The following KAZN variants were observed in gnomAD, a reference collection of about 807,000 sequenced individuals.
KAZN encodes the protein kazrin, periplakin interacting protein.
In KAZN, 40 loss-of-function variants were observed where a neutral mutation model predicts 87.4. The observed-to-expected ratio is 0.46, with a 90% confidence interval of 0.36 to 0.60. The LOEUF is 0.60. Among genes scored for constraint, KAZN ranks in the 20% least tolerant of loss-of-function variants. KAZN has a pLI of 0.00. For missense variants in KAZN, 898 were observed against 1,073.9 expected (o/e 0.84, Z 2.29); for synonymous variants, 466 against 458.3 (o/e 1.02, Z -0.22).
At chr1:13,953,232 GA>G (rs1445689209) in intron 1 of KAZN, among the ~76,000 whole-genome samples, 2 of 152,196 alleles carry the variant, frequency 1.3e-5, no homozygotes, top group Admixed American at 1.3e-4. Flanking sequence ...ACTCAGGGAG[GA>G]GTTAGGCTAC....
intron 2 of KAZN, among the ~76,000 whole-genome samples, chr1:14,268,742 C>A (rs921584351): frequency 1.3e-5 from 2 of 152,184 alleles, no homozygotes; most frequent in Admixed American, 6.5e-5. Context: ...TTGTAACTCA[C>A]AAATTACAGG....
chr1:14,147,501 C>T (rs552982370), intron 1 of KAZN, among the ~76,000 whole-genome samples: 7 of 152,236 alleles, frequency 4.6e-5, no homozygotes, highest in South Asian at 4.1e-4. Flanking sequence ...AGGATTAAAA[C>T]GTCACTGCAG....
At chr1:15,041,174 C>T (rs1205106392) in intron 3 of KAZN, among the ~76,000 whole-genome samples, 1 of 150,248 alleles carries the variant, frequency 6.7e-6, no homozygotes, top group Non-Finnish European at 1.5e-5. Flanking sequence ...GTTGGCCAGG[C>T]TGGTCTCGAG....
intron 1 of KAZN, among the ~76,000 whole-genome samples, chr1:14,034,398 A>G (rs1037019016): frequency 6.6e-6 from 1 of 152,184 alleles, no homozygotes; most frequent in African/African-American, 2.4e-5. Context: ...GGTTAATTTT[A>G]ATATTGCATC....
chr1:14,620,024 C>G (rs1263634024), intron 1 of KAZN, among the ~76,000 whole-genome samples: 1 of 152,162 alleles, frequency 6.6e-6, no homozygotes, highest in Non-Finnish European at 1.5e-5. Context: ...CTCTTCTCAG[C>G]TCCCCAGGTC....
chr1:15,092,659 A>C (rs952049951), intron 8 of KAZN, among the ~76,000 whole-genome samples: 2 of 152,088 alleles, frequency 1.3e-5, no homozygotes, highest in Non-Finnish European at 2.9e-5. Context: ...TTTTTGGTAG[A>C]GATGGGGTTT....
At chr1:14,255,031 G>T (rs1390660756) in intron 2 of KAZN, among the ~76,000 whole-genome samples, 1 of 148,106 alleles carries the variant, frequency 6.8e-6, no homozygotes, top group African/African-American at 2.5e-5. Context: ...TGAGGCAGGA[G>T]AATTGCTTGA....
chr1:14,256,399 A>G (rs1233552691), intron 2 of KAZN, among the ~76,000 whole-genome samples: 1 of 152,000 alleles, frequency 6.6e-6, no homozygotes, highest in Non-Finnish European at 1.5e-5. Context: ...AATTCAAAGG[A>G]GAGAAGGAGA....
chr1:14,099,978 C>T (rs1184648315), intron 1 of KAZN, among the ~76,000 whole-genome samples: 2 of 152,084 alleles, frequency 1.3e-5, no homozygotes, highest in Non-Finnish European at 2.9e-5. Context: ...TTCTCTCTCT[C>T]CTGAATGAAT....
chr1:14,369,506 G>A (rs1207504251), intron 2 of KAZN, among the ~76,000 whole-genome samples: 1 of 152,176 alleles, frequency 6.6e-6, no homozygotes. Flanking sequence ...TCTCCATCTG[G>A]AGAATGGTAA....
intron 1 of KAZN, chr1:14,692,069 G>A: frequency 3.8e-6 from 1 of 263,534 alleles, no homozygotes. Context: ...ATAAAATAAT[G>A]AATTGTAAAA....
At chr1:14,997,098 T>C (rs1667947201) in intron 2 of KAZN, among the ~76,000 whole-genome samples, 2 of 152,124 alleles carry the variant, frequency 1.3e-5, no homozygotes, top group Admixed American at 1.3e-4. Flanking sequence ...GGAGAGGTCC[T>C]TCCTGAATTT....
chr1:14,947,550 T>A (rs961081315), intron 1 of KAZN, among the ~76,000 whole-genome samples: 2 of 152,216 alleles, frequency 1.3e-5, no homozygotes, highest in Admixed American at 1.3e-4. Flanking sequence ...GACATTTAGT[T>A]TGCGAAGCAG....
chr1:14,476,192 G>T (rs940337693), intron 2 of KAZN, among the ~76,000 whole-genome samples: 4 of 152,112 alleles, frequency 2.6e-5, no homozygotes, highest in African/African-American at 9.7e-5. Flanking sequence ...CTGCTCCTTG[G>T]TTGGTTGGTT....
intron 2 of KAZN, among the ~76,000 whole-genome samples, chr1:14,506,306 G>A (rs1257288216): frequency 1.3e-5 from 2 of 152,118 alleles, no homozygotes; most frequent in African/African-American, 4.8e-5. Context: ...TGTTAAACCA[G>A]ACTTCACTCT....
At chr1:14,954,709 C>A (rs535177883) in intron 1 of KAZN, among the ~76,000 whole-genome samples, 1 of 152,276 alleles carries the variant, frequency 6.6e-6, no homozygotes, top group East Asian at 1.9e-4. Context: ...GTAATCCCAG[C>A]ACTTTGGGAG....
intron 1 of KAZN, among the ~76,000 whole-genome samples, chr1:14,777,644 G>T (rs192646969): frequency 6.6e-6 from 1 of 152,226 alleles, no homozygotes; most frequent in East Asian, 1.9e-4. Context: ...CTTCCTTCTT[G>T]GAACTCTCTT....
chr1:14,370,828 G>A (rs1660419399), intron 2 of KAZN, among the ~76,000 whole-genome samples: 1 of 152,162 alleles, frequency 6.6e-6, no homozygotes, highest in South Asian at 2.1e-4. Flanking sequence ...GGGACTACGG[G>A]CATGTGCTAC....
chr1:14,268,910 A>G (rs1367008142), intron 2 of KAZN, among the ~76,000 whole-genome samples: 1 of 152,240 alleles, frequency 6.6e-6, no homozygotes, highest in Non-Finnish European at 1.5e-5. Context: ...GTAATCCAGG[A>G]TAAGTCTATC....
Sources: gnomAD v4.1 joint callset for allele counts (sites outside exome capture counted in the v4.1 genomes callset) on GRCh38, gnomAD v4.1.1 for gene constraint, MANE v1.5 for transcripts, NCBI Gene and HGNC (gene_info 2026-07-23, HGNC 2026-07-21) for gene names.